Variants in ELOVL2 observed in about 807,000 individuals in gnomAD.
ELOVL2 encodes the protein very long chain fatty acid elongase 2.
Under a neutral mutation model 37.7 loss-of-function variants are expected in ELOVL2, and 38 were observed. The ratio of observed to expected loss-of-function variants is 1.01; its 90% CI spans 0.78 to 1.32. The LOEUF is 1.32. Ranked by LOEUF, ELOVL2 falls within the 40% of genes most tolerant of loss-of-function variation. The pLI, the probability that ELOVL2 is intolerant of heterozygous loss-of-function variation, is 0.00. For synonymous variants in ELOVL2, 115 were observed against 122.3 expected, an observed-to-expected ratio of 0.94 and a Z score of 0.40; for missense variants, 352 against 363.6, an observed-to-expected ratio of 0.97 and a Z score of 0.26.
intron 5 of ELOVL2, among the ~76,000 whole-genome samples, chr6:10,993,327 G>GA: frequency 6.6e-6 from 1 of 152,286 alleles, no homozygotes; most frequent in African/African-American, 2.4e-5. Flanking sequence ...TTCATGTAGA[G>GA]AGCTCTCTTT....
intron 1 of ELOVL2, among the ~76,000 whole-genome samples, chr6:11,024,166 G>A (rs1346846968): frequency 2.0e-5 from 3 of 152,174 alleles, no homozygotes; most frequent in Admixed American, 6.5e-5. Flanking sequence ...TTTATTACAA[G>A]CTATACATCA....
At chr6:10,985,023 C>T (rs935148933) in intron 7 of ELOVL2, among the ~76,000 whole-genome samples, 7 of 152,110 alleles carry the variant, frequency 4.6e-5, no homozygotes, top group Non-Finnish European at 4.4e-5. Context: ...TCTCCAGCAC[C>T]TGTTGTTTCC....
rs527564361 is a variant in ELOVL2, at chr6:11,001,314, C to T, written c.256-1150G>A. ...TAAAGATTATCAATATAAATAAGTC[C>T]AGTGAAAGAAGAAAACCTTGGGTTT... On this transcript the variant is annotated intron_variant, in intron 3 of 7. Transcript: ENST00000354666. Among the ~76,000 whole-genome samples, 5 of 152,244 alleles carry T rather than the reference C, an allele frequency of 3.3e-5. No homozygotes were observed. The South Asian group carries it at 6.2e-4, about 19-fold the overall frequency.
chr6:11,036,150 A>G (rs974621704), intron 1 of ELOVL2, among the ~76,000 whole-genome samples: 1 of 152,244 alleles, frequency 6.6e-6, no homozygotes, highest in African/African-American at 2.4e-5. Flanking sequence ...AGGTATTAAA[A>G]TAGGGTGTTT....
At chr6:11,001,421 C>T (rs1782378893) in intron 3 of ELOVL2, among the ~76,000 whole-genome samples, 1 of 152,214 alleles carries the variant, frequency 6.6e-6, no homozygotes, top group Non-Finnish European at 1.5e-5. Flanking sequence ...AACTGGGAAT[C>T]AGCGACTGGC....
At chr6:11,023,076 C>G (rs11756364) in intron 1 of ELOVL2, among the ~76,000 whole-genome samples, 1 of 152,184 alleles carries the variant, frequency 6.6e-6, no homozygotes, top group Non-Finnish European at 1.5e-5. Context: ...AACAATGCTG[C>G]TAAGTTTGCA....
chr6:11,021,197 C>T (rs1008065929), intron 1 of ELOVL2, among the ~76,000 whole-genome samples: 1 of 152,220 alleles, frequency 6.6e-6, no homozygotes, highest in South Asian at 2.1e-4. Flanking sequence ...TGGAGTTCCT[C>T]CAACACATCC....
chr6:10,991,263 G>T (rs545987633), intron 5 of ELOVL2, among the ~76,000 whole-genome samples: 1 of 152,342 alleles, frequency 6.6e-6, no homozygotes, highest in East Asian at 1.9e-4. Context: ...GTGTTGTGAG[G>T]ATTTCATCAG....
chr6:11,002,425 AGT>A (rs1782403347), intron 3 of ELOVL2, among the ~76,000 whole-genome samples: 1 of 152,238 alleles, frequency 6.6e-6, no homozygotes, highest in African/African-American at 2.4e-5. Flanking sequence ...AGGTTAAATC[AGT>A]GTGTCACCTG....
intron 1 of ELOVL2, among the ~76,000 whole-genome samples, chr6:11,018,909 C>T (rs1323066322): frequency 6.6e-6 from 1 of 152,186 alleles, no homozygotes; most frequent in Non-Finnish European, 1.5e-5. Context: ...TACAAACCCA[C>T]TTAGATAGTA....
chr6:11,030,714 G>T (rs966397880), intron 1 of ELOVL2, among the ~76,000 whole-genome samples: 1 of 152,002 alleles, frequency 6.6e-6, no homozygotes, highest in African/African-American at 2.4e-5. Flanking sequence ...GAATGGTCTC[G>T]ATCTCCTGAC....
chr6:11,013,114 A>G (rs1327946819), intron 1 of ELOVL2, among the ~76,000 whole-genome samples: 1 of 152,102 alleles, frequency 6.6e-6, no homozygotes, highest in African/African-American at 2.4e-5. Flanking sequence ...TTGAGGCATG[A>G]CTCCCTTGGG....
At chr6:11,025,882 C>A (rs1260315102) in intron 1 of ELOVL2, among the ~76,000 whole-genome samples, 1 of 152,164 alleles carries the variant, frequency 6.6e-6, no homozygotes, top group Non-Finnish European at 1.5e-5. Flanking sequence ...AGAACTGTAT[C>A]ATTATAGAGA....
intron 1 of ELOVL2, among the ~76,000 whole-genome samples, chr6:11,017,459 C>T (rs199711264): frequency 6.6e-6 from 1 of 152,162 alleles, no homozygotes; most frequent in Non-Finnish European, 1.5e-5. Context: ...CAGGATACCA[C>T]AAAGCCAATA....
intron 1 of ELOVL2, among the ~76,000 whole-genome samples, chr6:11,040,928 A>C (rs369773123): frequency 9.8e-5 from 15 of 152,312 alleles, no homozygotes; most frequent in Middle Eastern, 3.4e-3. Flanking sequence ...CTGTCACATA[A>C]ATTTCAGAAC....
In ELOVL2 at chr6:10,981,283, T is replaced by A. The variant is rs1283780914; in HGVS notation, c.*2498A>T. The A allele has an allele frequency of 2.0e-5, 3 of 152,644 alleles. No homozygotes were observed. Among genetic ancestry groups the A allele is most frequent in the African/African-American group, 4.8e-5 (2 of 41,456 alleles). 9.5% of individuals were successfully genotyped at this position (152,644 alleles called of 1,614,324 possible). A position where few individuals can be genotyped will look rare whatever the true frequency, so the allele number is the denominator to read the frequency against. On this transcript the variant is annotated 3_prime_UTR_variant, in exon 8 of 8. Transcript: ENST00000354666. ...GAGAGAAAACATTCTCCATTTTTTTTAATAGATTATAGAAATATTAATTTT... is the reference window on the plus strand; with the variant it reads ...GAGAGAAAACATTCTCCATTTTTTTAAATAGATTATAGAAATATTAATTTT...
chr6:11,019,807 G>C (rs915749984), intron 1 of ELOVL2, among the ~76,000 whole-genome samples: 1 of 149,632 alleles, frequency 6.7e-6, no homozygotes, highest in Admixed American at 6.7e-5. Flanking sequence ...GCAGTGGTGC[G>C]ATCTCAGCTC....
At chr6:11,037,748 GTTTGA>G (rs1289047812) in intron 1 of ELOVL2, among the ~76,000 whole-genome samples, 7 of 152,270 alleles carry the variant, frequency 4.6e-5, no homozygotes, top group African/African-American at 1.7e-4. Context: ...AGTGGATTAA[GTTTGA>G]TAAGTACATA....
Position 11,044,129 on chromosome 6 carries a change from C to T in ELOVL2, c.3+99G>A. The T allele has an allele frequency of 7.5e-7, 1 of 1,335,292 alleles. No individual in the cohort carries two copies. The highest frequency in any genetic ancestry group is 9.7e-7 in the Non-Finnish European group (1 of 1,031,102). The allele number at this position is 1,335,292 out of a possible 1,614,324, so 82.7% of individuals were successfully genotyped here. ...GGGTTCCAGCGGCGAACCCGCAGCG[C>T]CCGCGCCGGCGCCCGCTCGGCCCTT... On this transcript the variant is annotated intron_variant, in intron 1 of 7. Transcript: ENST00000354666. The surrounding 1 kb of genome is among the most constrained non-coding windows in gnomAD (Gnocchi z 5.6).
Sources: gnomAD v4.1 joint callset for allele counts (sites outside exome capture counted in the v4.1 genomes callset) on GRCh38, gnomAD v4.1.1 for gene constraint, Gnocchi (gnomAD v3.1) non-coding constraint, MANE v1.5 for transcripts, NCBI Gene and HGNC (gene_info 2026-07-23, HGNC 2026-07-21) for gene names.